Variants in GNS observed in about 807,000 individuals in gnomAD.
GNS encodes the protein glucosamine (N-acetyl)-6-sulfatase, also known as N-acetylglucosamine-6-sulfatase.
Under a neutral mutation model 69.7 loss-of-function variants are expected in GNS, and 40 were observed. The ratio of observed to expected loss-of-function variants is 0.57; its 90% CI spans 0.45 to 0.75. GNS has a LOEUF of 0.75. Among genes scored for constraint, GNS ranks in the 30% least tolerant of loss-of-function variants. GNS has a pLI of 0.00. For missense variants in GNS, 565 were observed against 685.5 expected (o/e 0.82, Z 1.96); for synonymous variants, 243 against 251.6 (o/e 0.97, Z 0.32).
chr12:64,722,701 TA>T (rs367967853), intron 11 of GNS: 254 of 358,016 alleles, frequency 7.1e-4, no homozygotes, highest in African/African-American at 1.5e-3. Flanking sequence ...TATCCCTAAT[TA>T]AAAAAAAATG....
At chr12:64,735,852 G>A (rs1869542419) in intron 9 of GNS, among the ~76,000 whole-genome samples, 1 of 152,182 alleles carries the variant, frequency 6.6e-6, no homozygotes, top group Non-Finnish European at 1.5e-5. Flanking sequence ...GGTCTTCAGA[G>A]AAAAACACAA....
chr12:64,742,107 G>T (rs951292114), intron 6 of GNS, among the ~76,000 whole-genome samples: 1 of 151,826 alleles, frequency 6.6e-6, no homozygotes, highest in Non-Finnish European at 1.5e-5. Context: ...GGCAAGCTCC[G>T]CCTCCCGGGT....
intron 1 of GNS, among the ~76,000 whole-genome samples, chr12:64,758,435 T>TCCTCAG (rs575077572): frequency 6.0e-4 from 88 of 147,634 alleles, no homozygotes; most frequent in Admixed American, 2.0e-3. Flanking sequence ...CGATTCTCCT[T>TCCTCAG]CCTCAGCCTC....
At chr12:64,752,814 A>G in intron 1 of GNS, 57 bp from the exon 2 acceptor site, 1 of 865,218 alleles carries the variant, frequency 1.2e-6, no homozygotes, top group Non-Finnish European at 2.0e-6. Flanking sequence ...TGAGACACAC[A>G]GCCCAGAATT....
In GNS at chr12:64,759,067, C is replaced by A. The variant is rs1372051710; in HGVS notation, c.192+18G>T. 1.3e-6 allele frequency: 2 copies of A among 1,547,964 alleles called. No individual in the cohort carries two copies. Among genetic ancestry groups the A allele is most frequent in the Middle Eastern group, 2.2e-4 (1 of 4,586 alleles). ...CAGCCCAAGAGATAGAGGGGCGGGG[C>A]AGAAACAGAAGAGTTACCATGCCGC... On this transcript the variant is annotated intron_variant, in intron 1 of 13. Transcript: ENST00000258145.
rs1215467690 is a variant in GNS at position 64,759,176 on chromosome 12, C to G, written c.101G>C (p.Cys34Ser). The change falls in exon 1 of 14, where the codon TGC becomes TCC. Residue 34 changes from cysteine to serine, a missense_variant. Cys to Ser is a moderately radical substitution (Grantham distance 112). Transcript: ENST00000258145. ...CGCAGCCACCCCGAAGACCCCCAGG[C>G]AGCCGCCCAGCACCAGCAGTAGCAG... Reference protein sequence around the residue: ...PALLLLVLGGCLGVFGVAAGT... With the variant: ...PALLLLVLGGSLGVFGVAAGT... 1 of 1,551,328 alleles carries G rather than the reference C, an allele frequency of 6.4e-7. No homozygotes were observed. The highest frequency in any genetic ancestry group is 2.0e-5 in the Admixed American group (1 of 51,100).
chr12:64,723,367 G>A (rs1398683438), intron 10 of GNS, among the ~76,000 whole-genome samples: 1 of 152,144 alleles, frequency 6.6e-6, no homozygotes, highest in Non-Finnish European at 1.5e-5. Context: ...CTGTGAATCA[G>A]GTCAGGAATG....
chr12:64,728,834 A>G (rs1162554362), intron 10 of GNS, 122 bp downstream of exon 10: 5 of 666,960 alleles, frequency 7.5e-6, no homozygotes, highest in Non-Finnish European at 1.1e-5. Context: ...ACTCCTTCCC[A>G]TCACAAGATT....
chr12:64,733,798 C>G (rs766086721), intron 9 of GNS, among the ~76,000 whole-genome samples: 2 of 152,254 alleles, frequency 1.3e-5, no homozygotes, highest in African/African-American at 4.8e-5. Flanking sequence ...CTGTGTCATT[C>G]TAGTTTTCCT....
chr12:64,723,922 A>G (rs924002727), intron 10 of GNS, among the ~76,000 whole-genome samples: 1 of 152,188 alleles, frequency 6.6e-6, no homozygotes, highest in Non-Finnish European at 1.5e-5. Flanking sequence ...AGGTGATGGG[A>G]AATCATAGGA....
At chr12:64,724,225 T>C (rs1381399539) in intron 10 of GNS, among the ~76,000 whole-genome samples, 1 of 152,202 alleles carries the variant, frequency 6.6e-6, no homozygotes, top group Non-Finnish European at 1.5e-5. Flanking sequence ...AAAGTGGTTC[T>C]TAAAATGTGG....
intron 10 of GNS, among the ~76,000 whole-genome samples, chr12:64,726,323 A>C (rs1017646299): frequency 1.3e-5 from 2 of 151,954 alleles, no homozygotes; most frequent in Non-Finnish European, 2.9e-5. Context: ...ACAACTGAGT[A>C]TCTATAGAGA....
intron 10 of GNS, among the ~76,000 whole-genome samples, chr12:64,728,000 T>C (rs950254990): frequency 1.3e-5 from 2 of 152,230 alleles, no homozygotes; most frequent in South Asian, 2.1e-4. Flanking sequence ...TTCGGCTCAC[T>C]GCAATCTCCA....
In GNS at chr12:64,721,592, TA is replaced by T; in HGVS notation, c.1419+2del. 1 of 1,386,312 alleles carries T rather than the reference TA, an allele frequency of 7.2e-7. No individual in the cohort carries two copies. The highest frequency in any genetic ancestry group is 1.0e-6 in the Non-Finnish European group (1 of 971,898). 85.9% of individuals were successfully genotyped at this position (1,386,312 alleles called of 1,614,324 possible). A position where few individuals can be genotyped will look rare whatever the true frequency, so the allele number is the denominator to read the frequency against. ...GGGAAGTGCAGGCAGAAGTCCCTCT[TA>T]CCTCCTGGTCATCAAACTCGCAATA... On this transcript the variant is annotated splice_donor_variant, in intron 12 of 13. Coordinates refer to ENST00000258145, the MANE Select transcript of GNS (RefSeq NM_002076.4). LOFTEE classifies it high-confidence loss of function.
At chr12:64,750,443 G>A (rs1870043112) in intron 2 of GNS, among the ~76,000 whole-genome samples, 1 of 152,024 alleles carries the variant, frequency 6.6e-6, no homozygotes, top group Non-Finnish European at 1.5e-5. Flanking sequence ...CAATCCACCT[G>A]CCTCAGCCTC....
At chr12:64,749,808 T>G (rs1379819092) in intron 2 of GNS, among the ~76,000 whole-genome samples, 1 of 152,174 alleles carries the variant, frequency 6.6e-6, no homozygotes, top group Non-Finnish European at 1.5e-5. Context: ...CTTTTTGTTT[T>G]CTGATCAATT....
At chr12:64,745,854 A>G (rs1377161381) in intron 3 of GNS, 130 bp from the exon 4 acceptor site, 7 of 705,614 alleles carry the variant, frequency 9.9e-6, no homozygotes, top group Non-Finnish European at 1.8e-5. Flanking sequence ...CCCCAAATAG[A>G]CACTAGTCAA....
chr12:64,740,758 G>A, intron 6 of GNS, 70 bp from the exon 7 acceptor site: 2 of 779,142 alleles, frequency 2.6e-6, no homozygotes, highest in East Asian at 4.9e-5. Context: ...GATTACTACA[G>A]TAGATAATAA....
intron 11 of GNS, among the ~76,000 whole-genome samples, chr12:64,722,676 A>C (rs1427824179): frequency 6.6e-6 from 1 of 152,234 alleles, no homozygotes; most frequent in Non-Finnish European, 1.5e-5. Context: ...TCTCTACTGC[A>C]TGCCTCAGTA....
Sources: allele counts gnomAD v4.1 joint callset (sites outside exome capture counted in the v4.1 genomes callset), GRCh38; gene constraint gnomAD v4.1.1; transcripts MANE v1.5; gene names NCBI Gene and HGNC (gene_info 2026-07-23, HGNC 2026-07-21).